Variants in LRRIQ3 observed in about 807,000 individuals in gnomAD.
The protein encoded by LRRIQ3 is leucine rich repeats and IQ motif containing 3.
Under a neutral mutation model 59.3 loss-of-function variants are expected in LRRIQ3, and 75 were observed. The observed-to-expected ratio is 1.26, with a 90% CI of 1.05 to 1.53. The LOEUF (loss-of-function observed/expected upper bound fraction) is 1.53, where lower values mean the gene tolerates loss of function less well. LRRIQ3 is among the 40% of genes most tolerant of loss of function. The probability of loss-of-function intolerance (pLI) is 0.00; values close to 1 mark genes in which losing one functional copy is unlikely to be tolerated. For synonymous variants in LRRIQ3, 250 were observed against 231.3 expected (o/e 1.08, Z -0.73); for missense variants, 831 against 710.0 (o/e 1.17, Z -1.94).
intron 5 of LRRIQ3, among the ~76,000 whole-genome samples, chr1:74,075,337 C>G (rs1646192947): frequency 6.6e-6 from 1 of 152,026 alleles, no homozygotes; most frequent in African/African-American, 2.4e-5. Context: ...GAGGCCGAGG[C>G]AGGTGGATCA....
chr1:74,105,644 A>G (rs1014799025), intron 5 of LRRIQ3, among the ~76,000 whole-genome samples: 1 of 152,014 alleles, frequency 6.6e-6, no homozygotes, highest in Non-Finnish European at 1.5e-5. Context: ...CATCAGATTT[A>G]AAAATATATA....
intron 3 of LRRIQ3, among the ~76,000 whole-genome samples, chr1:74,163,544 A>G (rs1648785813): frequency 6.6e-6 from 1 of 151,660 alleles, no homozygotes; most frequent in African/African-American, 2.4e-5. Context: ...TATAAGTAGC[A>G]TTATTCTATG....
chr1:74,048,080 C>G (rs1200638062), intron 6 of LRRIQ3, among the ~76,000 whole-genome samples: 1 of 152,162 alleles, frequency 6.6e-6, no homozygotes, highest in Admixed American at 6.6e-5. Context: ...CAGACTCAGA[C>G]TCCAGAATTG....
intron 6 of LRRIQ3, among the ~76,000 whole-genome samples, chr1:74,070,298 C>T (rs552688872): frequency 6.6e-6 from 1 of 151,962 alleles, no homozygotes; most frequent in Non-Finnish European, 1.5e-5. Context: ...ATGCAGCCCC[C>T]AAAATAATGA....
chr1:74,030,748 G>A (rs1042815069), intron 7 of LRRIQ3, among the ~76,000 whole-genome samples: 5 of 152,004 alleles, frequency 3.3e-5, no homozygotes, highest in South Asian at 2.1e-4. Context: ...AACAAAAGCC[G>A]AAATTGACAA....
chr1:74,146,420 G>A (rs890991962), intron 4 of LRRIQ3, among the ~76,000 whole-genome samples: 1 of 152,074 alleles, frequency 6.6e-6, no homozygotes, highest in African/African-American at 2.4e-5. Flanking sequence ...TGTTTTGTCT[G>A]CTGTTGTGTC....
intron 6 of LRRIQ3, among the ~76,000 whole-genome samples, chr1:74,055,190 A>ACACTT (rs1654492943): frequency 3.1e-5 from 3 of 95,668 alleles, no homozygotes; most frequent in Non-Finnish European, 2.1e-5. Flanking sequence ...TTATATATAT[A>ACACTT]TATATATATA....
intron 3 of LRRIQ3, among the ~76,000 whole-genome samples, chr1:74,159,821 T>A (rs1295844524): frequency 6.6e-6 from 1 of 152,128 alleles, no homozygotes; most frequent in African/African-American, 2.4e-5. Flanking sequence ...CTTGAATCAA[T>A]CCACACTCAT....
intron 4 of LRRIQ3, among the ~76,000 whole-genome samples, chr1:74,137,543 C>T (rs1011919598): frequency 4.6e-5 from 7 of 151,984 alleles, no homozygotes; most frequent in Non-Finnish European, 1.0e-4. Flanking sequence ...GGTGATTCCT[C>T]AAGGGTTGAG....
chr1:74,037,647 A>G (rs562254325), intron 7 of LRRIQ3, among the ~76,000 whole-genome samples: 1 of 152,212 alleles, frequency 6.6e-6, no homozygotes, highest in East Asian at 1.9e-4. Context: ...AAACAAAACA[A>G]AAAACAAACA....
At chr1:74,177,186 G>T (rs544076366) in intron 3 of LRRIQ3, among the ~76,000 whole-genome samples, 1 of 152,242 alleles carries the variant, frequency 6.6e-6, no homozygotes, top group East Asian at 1.9e-4. Context: ...ATATGAAGGT[G>T]TAGGGGTTCT....
At position 74,182,772 on chromosome 1, in the gene LRRIQ3, C is replaced by A. The variant is rs1183954016; in HGVS notation, c.339G>T (p.Lys113Asn). 5 of 1,610,874 alleles carry A rather than the reference C, an allele frequency of 3.1e-6. No individual in the cohort carries two copies. The highest frequency in any genetic ancestry group is 3.4e-6 in the Non-Finnish European group (4 of 1,178,068). ...GACAGGCAGATAATACACATATATTCTTTAACTTTGCAAACCCATTGTCAT... is the reference window on the plus strand; with the variant it reads ...GACAGGCAGATAATACACATATATTATTTAACTTTGCAAACCCATTGTCAT... ...YLHDNGFAKL[K>N]NICVLSACPT... Residue 113 changes from lysine (K) to asparagine (N), a missense_variant, in exon 3 of 8, where the codon AAG becomes AAT. Physicochemically the swap from Lys to Asn is moderately conservative, Grantham distance 94. Coordinates refer to ENST00000354431, the MANE Select transcript of LRRIQ3 (RefSeq NM_001105659.2).
At chr1:74,125,113 T>C (rs187099459) in intron 4 of LRRIQ3, among the ~76,000 whole-genome samples, 33 of 151,986 alleles carry the variant, frequency 2.2e-4, no homozygotes, top group Middle Eastern at 3.4e-3. Context: ...ATTTTATTTC[T>C]AGCTATTGTT....
intron 6 of LRRIQ3, among the ~76,000 whole-genome samples, chr1:74,044,121 C>T (rs6676622): frequency 0.48 from 72,480 of 151,952 alleles, 18,708 homozygotes; most frequent in East Asian, 0.82. Context: ...GCTATAGGAT[C>T]GAACTTGATA....
intron 3 of LRRIQ3, among the ~76,000 whole-genome samples, chr1:74,172,336 C>A (rs1203239222): frequency 6.6e-6 from 1 of 151,978 alleles, no homozygotes; most frequent in African/African-American, 2.4e-5. Context: ...TTTATAATTT[C>A]TTTTGATTTC....
At chr1:74,093,967 T>A (rs1369084103) in intron 5 of LRRIQ3, among the ~76,000 whole-genome samples, 1 of 152,016 alleles carries the variant, frequency 6.6e-6, no homozygotes, top group Non-Finnish European at 1.5e-5. Flanking sequence ...GCTTAAAACA[T>A]AGTCTTTTTT....
intron 5 of LRRIQ3, chr1:74,108,999 G>A: frequency 1.1e-5 from 3 of 268,944 alleles, no homozygotes; most frequent in Non-Finnish European, 2.2e-5. Flanking sequence ...ATTTCCACTG[G>A]GTCCTCAAAG....
At chr1:74,093,448 T>G (rs546043689) in intron 5 of LRRIQ3, among the ~76,000 whole-genome samples, 1 of 152,098 alleles carries the variant, frequency 6.6e-6, no homozygotes, top group Non-Finnish European at 1.5e-5. Context: ...ATTATAGGTA[T>G]GCTGTTTCTA....
intron 6 of LRRIQ3, among the ~76,000 whole-genome samples, chr1:74,062,051 A>G (rs1463422487): frequency 6.6e-6 from 1 of 152,044 alleles, no homozygotes; most frequent in Non-Finnish European, 1.5e-5. Context: ...AATAAAATTG[A>G]CCAATGGGAC....
Sources: gnomAD v4.1 joint callset for allele counts (sites outside exome capture counted in the v4.1 genomes callset) on GRCh38, gnomAD v4.1.1 for gene constraint, MANE v1.5 for transcripts, NCBI Gene and HGNC (gene_info 2026-07-23, HGNC 2026-07-21) for gene names.